Variants in XPO7 observed in about 807,000 individuals in gnomAD.
XPO7 encodes the protein exportin 7.
XPO7 carries 21 observed loss-of-function variants against 144.3 expected under a neutral mutation model. That is an observed-to-expected ratio of 0.15 (90% CI 0.10 to 0.21). The LOEUF (loss-of-function observed/expected upper bound fraction) is 0.21. Among genes scored for constraint, XPO7 ranks in the 10% least tolerant of loss-of-function variants. The pLI is 1.00. For missense variants in XPO7, 808 were observed against 1,325.8 expected, an observed-to-expected ratio of 0.61 and a Z score of 6.06; for synonymous variants, 580 against 499.6, an observed-to-expected ratio of 1.16 and a Z score of -2.15.
intron 19 of XPO7, among the ~76,000 whole-genome samples, chr8:21,993,912 C>CAT (rs1239362788): frequency 7.1e-6 from 1 of 141,264 alleles, no homozygotes; most frequent in Non-Finnish European, 1.5e-5. Flanking sequence ...GTTTCTTTGC[C>CAT]GTGTCTCTCT....
intron 1 of XPO7, chr8:21,964,063 C>G (rs1390730807): frequency 1.3e-5 from 2 of 152,138 alleles, no homozygotes; most frequent in Non-Finnish European, 2.9e-5. Flanking sequence ...TCATGAGTTT[C>G]TTATACTAAA....
chr8:21,986,303 G>A (rs976337786), intron 13 of XPO7, among the ~76,000 whole-genome samples: 1 of 151,952 alleles, frequency 6.6e-6, no homozygotes, highest in Non-Finnish European at 1.5e-5. Context: ...ACAGGCATGC[G>A]TCACCACATC....
At chr8:22,002,439 A>G (rs190360639) in intron 25 of XPO7, among the ~76,000 whole-genome samples, 167 bp downstream of exon 25, 6 of 152,312 alleles carry the variant, frequency 3.9e-5, no homozygotes, top group Admixed American at 3.9e-4. Flanking sequence ...TTGCCAAGTA[A>G]TCACTGGATG....
At chr8:21,981,649 C>T (rs1351732566) in intron 9 of XPO7, 82 bp from the exon 10 acceptor site, 1 of 1,536,666 alleles carries the variant, frequency 6.5e-7, no homozygotes, top group East Asian at 2.3e-5. Context: ...ACCCCTTCCC[C>T]CATGCCATCT....
intron 22 of XPO7, 44 bp from the exon 23 acceptor site, chr8:21,999,047 G>A (rs372971605): frequency 1.9e-5 from 30 of 1,605,122 alleles, no homozygotes; most frequent in African/African-American, 6.7e-5. Flanking sequence ...CTAAACGAGC[G>A]CTTCTAATGT....
intron 1 of XPO7, among the ~76,000 whole-genome samples, chr8:21,928,352 G>A (rs1302697175): frequency 1.3e-5 from 2 of 152,170 alleles, no homozygotes; most frequent in Non-Finnish European, 2.9e-5. Context: ...AGACATTCAG[G>A]TTGTTCCCAG....
At chr8:21,969,667 T>G in intron 3 of XPO7, 91 bp downstream of exon 3, 1 of 1,182,128 alleles carries the variant, frequency 8.5e-7, no homozygotes, top group Admixed American at 2.2e-5. Flanking sequence ...TGTTCAATGA[T>G]ATGCTGAGAT....
chr8:21,940,277 C>G (rs1306071317), intron 1 of XPO7, among the ~76,000 whole-genome samples: 1 of 152,162 alleles, frequency 6.6e-6, no homozygotes, highest in Non-Finnish European at 1.5e-5. Context: ...CTGCCTATTT[C>G]TTTGTGAGCT....
At chr8:21,967,747 C>G (rs1054907803) in intron 2 of XPO7, among the ~76,000 whole-genome samples, 1 of 152,114 alleles carries the variant, frequency 6.6e-6, no homozygotes, top group African/African-American at 2.4e-5. Flanking sequence ...GGAACAGTGA[C>G]CTTGACAATG....
intron 1 of XPO7, among the ~76,000 whole-genome samples, chr8:21,958,084 G>A (rs1373682651): frequency 1.3e-5 from 2 of 152,046 alleles, no homozygotes; most frequent in Non-Finnish European, 2.9e-5. Flanking sequence ...CATTAATATG[G>A]AAATTACATA....
At chr8:21,972,409 G>A (rs1352478350) in intron 5 of XPO7, among the ~76,000 whole-genome samples, 1 of 152,112 alleles carries the variant, frequency 6.6e-6, no homozygotes, top group Non-Finnish European at 1.5e-5. Context: ...CCCGGGAGGT[G>A]GAGGTTGCAG....
At chr8:21,978,741 G>T (rs547955461) in intron 8 of XPO7, among the ~76,000 whole-genome samples, 1 of 152,202 alleles carries the variant, frequency 6.6e-6, no homozygotes, top group East Asian at 1.9e-4. Flanking sequence ...AGTTGAAGCT[G>T]TGTCTTAGAG....
chr8:21,938,845 G>A (rs1334977482), intron 1 of XPO7, among the ~76,000 whole-genome samples: 3 of 151,954 alleles, frequency 2.0e-5, no homozygotes, highest in Admixed American at 6.6e-5. Flanking sequence ...ATTGAGAAAC[G>A]TTATTTATGA....
At chr8:21,926,733 T>C (rs1810471299) in intron 1 of XPO7, among the ~76,000 whole-genome samples, 1 of 152,180 alleles carries the variant, frequency 6.6e-6, no homozygotes, top group Admixed American at 6.5e-5. Flanking sequence ...CACATATCAA[T>C]ACATCTGTTG....
At chr8:21,977,537 A>G (rs1360407095) in intron 7 of XPO7, among the ~76,000 whole-genome samples, 2 of 152,358 alleles carry the variant, frequency 1.3e-5, no homozygotes, top group East Asian at 3.9e-4. Flanking sequence ...GTGAGCCGAG[A>G]TCTCGCCATT....
chr8:21,956,555 A>T (rs1247588835), intron 1 of XPO7, among the ~76,000 whole-genome samples: 1 of 151,780 alleles, frequency 6.6e-6, no homozygotes, highest in Non-Finnish European at 1.5e-5. Context: ...TGTTAATTGG[A>T]TGTTAGGCCT....
chr8:21,964,078 A>G (rs976579613), intron 1 of XPO7: 1 of 152,232 alleles, frequency 6.6e-6, no homozygotes, highest in Non-Finnish European at 1.5e-5. Context: ...ACTAAAAAGC[A>G]GTATTTTGCT....
intron 1 of XPO7, among the ~76,000 whole-genome samples, chr8:21,944,167 C>T (rs1365226060): frequency 1.3e-5 from 2 of 152,136 alleles, no homozygotes; most frequent in Non-Finnish European, 2.9e-5. Context: ...GTTTAGGGCC[C>T]AGGACTCTGA....
intron 1 of XPO7, among the ~76,000 whole-genome samples, chr8:21,951,612 A>G (rs1450252894): frequency 6.6e-6 from 1 of 152,184 alleles, no homozygotes; most frequent in Non-Finnish European, 1.5e-5. Flanking sequence ...TCTGATTTGC[A>G]TGTTCAGTAG....
Sources: allele counts gnomAD v4.1 joint callset (sites outside exome capture counted in the v4.1 genomes callset), GRCh38; gene constraint gnomAD v4.1.1; transcripts MANE v1.5; gene names NCBI Gene and HGNC (gene_info 2026-07-23, HGNC 2026-07-21).